The following DMRT1 variants were observed in gnomAD, a reference collection of about 807,000 sequenced individuals.
DMRT1 encodes the protein doublesex- and mab-3-related transcription factor 1.
DMRT1 carries 7 observed loss-of-function variants against 32.3 expected under a neutral mutation model. The observed-to-expected ratio is 0.22, with a 90% confidence interval of 0.12 to 0.41. The LOEUF (loss-of-function observed/expected upper bound fraction) is 0.41. Ranked by LOEUF, DMRT1 falls within the 10% of genes least tolerant of loss-of-function variation. The pLI is 1.00. For synonymous variants in DMRT1, 278 were observed against 206.1 expected, an observed-to-expected ratio of 1.35 and a Z score of -2.99; for missense variants, 625 against 500.5, an observed-to-expected ratio of 1.25 and a Z score of -2.37.
chr9:876,900 G>C (rs1269997227), intron 2 of DMRT1, among the ~76,000 whole-genome samples: 1 of 133,288 alleles, frequency 7.5e-6, no homozygotes, highest in Non-Finnish European at 1.5e-5. Flanking sequence ...CGGCATGGTA[G>C]ACAAGTGTGA....
At chr9:887,257 C>G (rs141039986) in intron 2 of DMRT1, among the ~76,000 whole-genome samples, 3 of 152,272 alleles carry the variant, frequency 2.0e-5, no homozygotes, top group Admixed American at 6.5e-5. Context: ...AGGAGATCTG[C>G]CAGTGATTTT....
intron 2 of DMRT1, among the ~76,000 whole-genome samples, chr9:859,452 A>G (rs1023110674): frequency 3.3e-5 from 5 of 152,182 alleles, no homozygotes. Context: ...TGGGGCTCTC[A>G]GTGCTCTCTC....
chr9:940,791 GT>G (rs1819039856), intron 4 of DMRT1, among the ~76,000 whole-genome samples: 1 of 152,156 alleles, frequency 6.6e-6, no homozygotes, highest in African/African-American at 2.4e-5. Flanking sequence ...CAAATCATAT[GT>G]CTGATAAGGA....
At chr9:898,630 C>A (rs1056359119) in intron 3 of DMRT1, among the ~76,000 whole-genome samples, 1 of 152,218 alleles carries the variant, frequency 6.6e-6, no homozygotes, top group Admixed American at 6.5e-5. Context: ...AGGTGCCCCA[C>A]CGCTGCACTT....
Position 867,804 on chromosome 9 carries a change from A to G in DMRT1, c.538+20661A>G, listed in dbSNP as rs565106911. On this transcript the variant is annotated intron_variant, in intron 2 of 4. Coordinates refer to ENST00000382276, the MANE Select transcript of DMRT1 (RefSeq NM_021951.3). Reference sequence around the variant, plus strand: ...AGGGTAAGTAAAATAGTTGATGTCCAAGGCTCCCTTTGCTTTCTTTTTCTC... The same window carrying G: ...AGGGTAAGTAAAATAGTTGATGTCCGAGGCTCCCTTTGCTTTCTTTTTCTC... Among the ~76,000 whole-genome samples, 8 of 152,320 alleles carry G rather than the reference A, an allele frequency of 5.3e-5. No individual in the cohort carries two copies. The East Asian group carries it at 1.3e-3, about 26-fold the overall frequency.
chr9:898,121 G>C (rs149606007), intron 3 of DMRT1, among the ~76,000 whole-genome samples: 1 of 141,580 alleles, frequency 7.1e-6, no homozygotes, highest in African/African-American at 2.5e-5. Context: ...TTTTGTTATT[G>C]TTGTTTTTCT....
chr9:919,805 C>A (rs376097176), intron 4 of DMRT1, among the ~76,000 whole-genome samples: 1 of 151,988 alleles, frequency 6.6e-6, no homozygotes, highest in African/African-American at 2.4e-5. Flanking sequence ...AGGGTGGGAG[C>A]GTGGCAGTGA....
At chr9:945,987 T>C (rs1364290858) in intron 4 of DMRT1, among the ~76,000 whole-genome samples, 1 of 152,190 alleles carries the variant, frequency 6.6e-6, no homozygotes. Flanking sequence ...TTTCAATCAA[T>C]GCTTGGTCTT....
chr9:850,637 A>G (rs1397312863), intron 2 of DMRT1, among the ~76,000 whole-genome samples: 2 of 152,192 alleles, frequency 1.3e-5, no homozygotes, highest in East Asian at 1.9e-4. Context: ...TATTTGCATA[A>G]TTAATATAGT....
chr9:885,669 A>C (rs1816900386), intron 2 of DMRT1, among the ~76,000 whole-genome samples: 3 of 152,198 alleles, frequency 2.0e-5, no homozygotes. Context: ...GGATGGAGGC[A>C]TGGTGGTCCA....
chr9:868,283 G>C lies in DMRT1; in HGVS notation c.538+21140G>C, dbSNP rs143177579. On this transcript the variant is annotated intron_variant, in intron 2 of 4. Coordinates refer to ENST00000382276, the MANE Select transcript of DMRT1 (RefSeq NM_021951.3). ...CGTGACCACTGCACCTGGCCTGAAA[G>C]AAAGTATTTTACAAGGCAAGCATTA... Among the ~76,000 whole-genome samples the C allele has an allele frequency of 3.5e-3, 539 of 152,208 alleles. 4 individuals are homozygous for C. Among genetic ancestry groups the C allele is most frequent in the African/African-American group, 0.012 (502 of 41,538 alleles).
chr9:890,792 G>A (rs1011973127), intron 2 of DMRT1, among the ~76,000 whole-genome samples: 4 of 152,110 alleles, frequency 2.6e-5, no homozygotes, highest in African/African-American at 9.7e-5. Context: ...TCTGCTCACT[G>A]CAACCTCGGC....
intron 4 of DMRT1, among the ~76,000 whole-genome samples, chr9:930,510 C>T (rs1469438234): frequency 6.6e-6 from 1 of 151,876 alleles, no homozygotes; most frequent in Non-Finnish European, 1.5e-5. Flanking sequence ...CTCTCGGGTT[C>T]ATGCCATTCT....
At chr9:861,188 C>G (rs1006464871) in intron 2 of DMRT1, among the ~76,000 whole-genome samples, 28 of 151,636 alleles carry the variant, frequency 1.8e-4, no homozygotes, top group African/African-American at 5.8e-4. Context: ...TCTGGTTTTC[C>G]TAGGCAGAGG....
chr9:890,083 G>GGGTTTTTCTTT (rs1273507545), intron 2 of DMRT1, among the ~76,000 whole-genome samples: 1 of 108,886 alleles, frequency 9.2e-6, no homozygotes, highest in African/African-American at 3.2e-5. Context: ...GCCACCAAAC[G>GGGTTTTTCTTT]TGTTTTTTTT....
At chr9:906,714 T>C (rs1366903171) in intron 3 of DMRT1, among the ~76,000 whole-genome samples, 1 of 152,220 alleles carries the variant, frequency 6.6e-6, no homozygotes, top group Non-Finnish European at 1.5e-5. Flanking sequence ...AAAAAAAGTT[T>C]ATTTGCTCCA....
chr9:866,153 G>C (rs1366898279), intron 2 of DMRT1, among the ~76,000 whole-genome samples: 1 of 100,886 alleles, frequency 9.9e-6, no homozygotes, highest in Non-Finnish European at 1.8e-5. Context: ...GACAGAGTGA[G>C]AGTCCATCTC....
intron 3 of DMRT1, among the ~76,000 whole-genome samples, chr9:903,204 G>C (rs1369009041): frequency 6.6e-6 from 1 of 152,138 alleles, no homozygotes; most frequent in Non-Finnish European, 1.5e-5. Flanking sequence ...TCTTACTCCT[G>C]CAGGGAGCAA....
chr9:898,396 G>A (rs1483283507), intron 3 of DMRT1, among the ~76,000 whole-genome samples: 1 of 152,210 alleles, frequency 6.6e-6, no homozygotes, highest in African/African-American at 2.4e-5. Flanking sequence ...TGGGATTACA[G>A]GCATGAGTCA....
Sources: gnomAD v4.1 joint callset for allele counts (sites outside exome capture counted in the v4.1 genomes callset) on GRCh38, gnomAD v4.1.1 for gene constraint, MANE v1.5 for transcripts, NCBI Gene and HGNC (gene_info 2026-07-23, HGNC 2026-07-21) for gene names.